The following ADGRB3 variants were observed in gnomAD, a reference collection of about 807,000 sequenced individuals.
The protein encoded by ADGRB3 is adhesion G protein-coupled receptor B3.
In ADGRB3, 37 loss-of-function variants were observed where a neutral mutation model predicts 193.4. That is an observed-to-expected ratio of 0.19 (90% CI 0.15 to 0.25). ADGRB3 has a LOEUF of 0.25. Among genes scored for constraint, ADGRB3 ranks in the 10% least tolerant of loss-of-function variants. The pLI, the probability that ADGRB3 is intolerant of heterozygous loss-of-function variation, is 1.00. For missense variants in ADGRB3, 1,637 were observed against 1,852.9 expected (o/e 0.88, Z 2.14); for synonymous variants, 690 against 644.2 (o/e 1.07, Z -1.08).
At chr6:68,726,490 G>A (rs562376998) in intron 3 of ADGRB3, among the ~76,000 whole-genome samples, 47 of 151,684 alleles carry the variant, frequency 3.1e-4, no homozygotes, top group African/African-American at 1.1e-3. Context: ...TTGCAGAAAT[G>A]TTCTGCATGG....
intron 17 of ADGRB3, among the ~76,000 whole-genome samples, chr6:69,146,853 G>A (rs1582498019): frequency 1.2e-5 from 1 of 83,830 alleles, no homozygotes; most frequent in African/African-American, 4.3e-5. Flanking sequence ...GGTCTTTTCA[G>A]GTTTTGGACC....
chr6:68,769,989 T>C (rs1273224003), intron 3 of ADGRB3, among the ~76,000 whole-genome samples: 1 of 152,174 alleles, frequency 6.6e-6, no homozygotes, highest in Non-Finnish European at 1.5e-5. Context: ...TGGCATATTG[T>C]TATGCTTCCA....
At chr6:69,109,382 C>A (rs1773304311) in intron 17 of ADGRB3, among the ~76,000 whole-genome samples, 1 of 152,186 alleles carries the variant, frequency 6.6e-6, no homozygotes, top group Non-Finnish European at 1.5e-5. Context: ...CCCTCCCTAT[C>A]TCTCCCAGTC....
chr6:69,335,354 T>A (rs1321975), intron 24 of ADGRB3, among the ~76,000 whole-genome samples: 35,560 of 151,998 alleles, frequency 0.23, 4,855 homozygotes, highest in African/African-American at 0.37. Flanking sequence ...TAGAAGTTAC[T>A]TATGTTTCAC....
chr6:69,331,872 A>G (rs1478365628), intron 23 of ADGRB3: 3 of 984,876 alleles, frequency 3.0e-6, no homozygotes, highest in African/African-American at 3.5e-5. Context: ...TGAGAGGTAC[A>G]TAGATGAATA....
intron 3 of ADGRB3, among the ~76,000 whole-genome samples, chr6:68,883,030 A>G (rs1765777354): frequency 6.6e-6 from 1 of 152,030 alleles, no homozygotes; most frequent in Admixed American, 6.5e-5. Flanking sequence ...AGTAGCTGGG[A>G]CTACAGGTGC....
chr6:68,782,996 A>G (rs558292208), intron 3 of ADGRB3, among the ~76,000 whole-genome samples: 1 of 152,136 alleles, frequency 6.6e-6, no homozygotes, highest in East Asian at 1.9e-4. Flanking sequence ...AGAGGTGACC[A>G]TCATGTAAAC....
chr6:69,013,103 G>A (rs3799006), intron 11 of ADGRB3, among the ~76,000 whole-genome samples: 80 of 152,040 alleles, frequency 5.3e-4, no homozygotes, highest in Non-Finnish European at 1.0e-3. Flanking sequence ...GCCTTCAAAG[G>A]CACGCTGGTT....
At chr6:69,022,636 A>C (rs1770303345) in intron 13 of ADGRB3, among the ~76,000 whole-genome samples, 1 of 151,978 alleles carries the variant, frequency 6.6e-6, no homozygotes, top group South Asian at 2.1e-4. Flanking sequence ...CTTTCTTGAT[A>C]CTGTTCATTC....
At chr6:69,316,037 T>C (rs1768302743) in intron 20 of ADGRB3, among the ~76,000 whole-genome samples, 3 of 151,404 alleles carry the variant, frequency 2.0e-5, no homozygotes, top group Admixed American at 2.0e-4. Flanking sequence ...CCATTAATTT[T>C]TTTATATAAT....
chr6:69,010,704 A>G (rs1308145745), intron 11 of ADGRB3, among the ~76,000 whole-genome samples: 2 of 151,624 alleles, frequency 1.3e-5, no homozygotes, highest in East Asian at 3.9e-4. Context: ...TCAAACTCCA[A>G]ACAGTTCAGA....
chr6:69,152,743 T>C (rs1774716338), intron 17 of ADGRB3, among the ~76,000 whole-genome samples: 1 of 152,256 alleles, frequency 6.6e-6, no homozygotes, highest in African/African-American at 2.4e-5. Context: ...TTTAGTGGCA[T>C]TTTTCATTAA....
intron 17 of ADGRB3, among the ~76,000 whole-genome samples, chr6:69,144,260 A>ACTGAATC (rs1298551349): frequency 6.6e-6 from 1 of 152,176 alleles, no homozygotes; most frequent in African/African-American, 2.4e-5. Context: ...GTATCCTGAA[A>ACTGAATC]CTGAATCCTG....
chr6:68,753,973 A>G (rs999729649), intron 3 of ADGRB3, among the ~76,000 whole-genome samples: 2 of 152,184 alleles, frequency 1.3e-5, no homozygotes, highest in African/African-American at 4.8e-5. Flanking sequence ...GAAAGGCTGT[A>G]CTATCCGTCT....
intron 3 of ADGRB3, among the ~76,000 whole-genome samples, chr6:68,727,304 T>G (rs1562007313): frequency 1.3e-5 from 2 of 151,636 alleles, no homozygotes; most frequent in African/African-American, 4.8e-5. Flanking sequence ...TATTGTTTGT[T>G]GTGGTAATGA....
chr6:68,656,698 C>A (rs1038146970), intron 3 of ADGRB3, among the ~76,000 whole-genome samples: 1 of 151,288 alleles, frequency 6.6e-6, no homozygotes, highest in Non-Finnish European at 1.5e-5. Context: ...ACATTTATTT[C>A]TTTGGTTTTT....
chr6:68,994,232 A>G (rs986530275), intron 11 of ADGRB3, among the ~76,000 whole-genome samples: 1 of 152,184 alleles, frequency 6.6e-6, no homozygotes, highest in Non-Finnish European at 1.5e-5. Flanking sequence ...AAAAGGCACT[A>G]TAGCAAATTC....
At chr6:68,752,990 C>A (rs548612923) in intron 3 of ADGRB3, among the ~76,000 whole-genome samples, 3 of 152,210 alleles carry the variant, frequency 2.0e-5, no homozygotes, top group South Asian at 4.1e-4. Flanking sequence ...ACTTAACAAG[C>A]ATTTGAGGTA....
intron 20 of ADGRB3, among the ~76,000 whole-genome samples, chr6:69,319,881 C>A (rs1768407777): frequency 6.6e-6 from 1 of 151,364 alleles, no homozygotes; most frequent in African/African-American, 2.4e-5. Context: ...AAGTTTCTAG[C>A]TTTTAACAAG....
Sources: allele counts gnomAD v4.1 joint callset (sites outside exome capture counted in the v4.1 genomes callset), GRCh38; gene constraint gnomAD v4.1.1; transcripts MANE v1.5; gene names NCBI Gene and HGNC (gene_info 2026-07-23, HGNC 2026-07-21).